The following NRG1 variants were observed in gnomAD, a reference collection of about 807,000 sequenced individuals.
The protein encoded by NRG1 is pro-neuregulin-1, membrane-bound isoform.
NRG1 carries 18 observed loss-of-function variants against 63.8 expected under a neutral mutation model. That is an observed-to-expected ratio of 0.28 (90% CI 0.19 to 0.42). The LOEUF (loss-of-function observed/expected upper bound fraction) is 0.42, where lower values mean the gene tolerates loss of function less well. Among genes scored for constraint, NRG1 ranks in the 10% least tolerant of loss-of-function variants. The pLI is 1.00. For missense variants in NRG1, 762 were observed against 814.7 expected, an observed-to-expected ratio of 0.94 and a Z score of 0.79; for synonymous variants, 302 against 301.3, an observed-to-expected ratio of 1.00 and a Z score of -0.02.
intron 1 of NRG1, among the ~76,000 whole-genome samples, chr8:32,462,792 C>T (rs1660352670): frequency 6.6e-6 from 1 of 151,702 alleles, no homozygotes; most frequent in African/African-American, 2.4e-5. Flanking sequence ...TGGGTAGAGA[C>T]AGGGTTTCAC....
At chr8:31,970,701 C>T (rs1807133435) in intron 1 of NRG1, among the ~76,000 whole-genome samples, 1 of 152,064 alleles carries the variant, frequency 6.6e-6, no homozygotes, top group Non-Finnish European at 1.5e-5. Flanking sequence ...CCTGCTCTGC[C>T]CTGAAATAGG....
At chr8:32,672,144 C>T (rs553656132) in intron 5 of NRG1, among the ~76,000 whole-genome samples, 2 of 151,886 alleles carry the variant, frequency 1.3e-5, no homozygotes, top group Admixed American at 6.6e-5. Flanking sequence ...TCCCGGGTTC[C>T]AGCGATTCTC....
intron 7 of NRG1, chr8:32,743,056 C>G: frequency 9.0e-7 from 1 of 1,113,522 alleles, no homozygotes; most frequent in Non-Finnish European, 1.1e-6. Context: ...CAAAGTCTCA[C>G]TTTTATTGAT....
chr8:32,624,345 G>T (rs1563793001), intron 5 of NRG1, among the ~76,000 whole-genome samples: 2 of 152,152 alleles, frequency 1.3e-5, no homozygotes, highest in Admixed American at 1.3e-4. Context: ...GGGCAGATGG[G>T]CTCAGCCCCA....
chr8:32,443,691 A>C (rs934873740), intron 1 of NRG1, among the ~76,000 whole-genome samples: 3 of 152,176 alleles, frequency 2.0e-5, no homozygotes, highest in Non-Finnish European at 2.9e-5. Context: ...TTTCTCCTAC[A>C]ATAGGAACTA....
At chr8:32,121,022 A>G (rs1457631625) in intron 1 of NRG1, among the ~76,000 whole-genome samples, 1 of 152,052 alleles carries the variant, frequency 6.6e-6, no homozygotes, top group East Asian at 1.9e-4. Flanking sequence ...ATGCTGGTCA[A>G]TTAGTTTCTC....
At chr8:32,524,045 G>A (rs1306420909) in intron 1 of NRG1, among the ~76,000 whole-genome samples, 1 of 149,818 alleles carries the variant, frequency 6.7e-6, no homozygotes, top group East Asian at 2.0e-4. Flanking sequence ...CCAGCACTTT[G>A]AGAGGCTGAG....
At chr8:32,741,650 T>G (rs16879918) in intron 6 of NRG1, among the ~76,000 whole-genome samples, 7,004 of 152,200 alleles carry the variant, frequency 0.046, 558 homozygotes, top group African/African-American at 0.16. Context: ...TGTTAGCGCT[T>G]ATCAAAACCA....
At chr8:31,932,303 G>C (rs142586991) in intron 1 of NRG1, among the ~76,000 whole-genome samples, 1 of 152,056 alleles carries the variant, frequency 6.6e-6, no homozygotes, top group African/African-American at 2.4e-5. Context: ...CAAATTTTCC[G>C]TATAGGAATA....
At chr8:32,274,155 G>A (rs982172429) in intron 1 of NRG1, among the ~76,000 whole-genome samples, 3 of 152,200 alleles carry the variant, frequency 2.0e-5, no homozygotes, top group African/African-American at 4.8e-5. Flanking sequence ...TGGTGCTTCA[G>A]TGACTAAAAA....
intron 11 of NRG1, chr8:32,760,906 G>T: frequency 1.0e-6 from 1 of 992,474 alleles, no homozygotes; most frequent in Non-Finnish European, 1.2e-6. Flanking sequence ...AATGTCATGG[G>T]GGGCAACTGC....
At chr8:31,850,250 G>A (rs1285939231) in intron 1 of NRG1, among the ~76,000 whole-genome samples, 1 of 152,124 alleles carries the variant, frequency 6.6e-6, no homozygotes, top group African/African-American at 2.4e-5. Flanking sequence ...CTGCAATGAG[G>A]TGTTGTCAGA....
At chr8:32,478,437 G>A (rs1158035464) in intron 1 of NRG1, among the ~76,000 whole-genome samples, 1 of 152,182 alleles carries the variant, frequency 6.6e-6, no homozygotes, top group East Asian at 1.9e-4. Context: ...TGACTGTGTA[G>A]GACACGCCTA....
intron 1 of NRG1, among the ~76,000 whole-genome samples, chr8:31,800,997 C>A (rs562013663): frequency 7.7e-6 from 1 of 130,102 alleles, no homozygotes; most frequent in African/African-American, 2.8e-5. Context: ...CCTGACACCA[C>A]GCCCGCCAAT....
At chr8:32,307,586 GGTTT>G (rs869154855) in intron 1 of NRG1, among the ~76,000 whole-genome samples, 5,890 of 108,884 alleles carry the variant, frequency 0.054, 304 homozygotes, top group African/African-American at 0.15. Flanking sequence ...GTCACCCAGG[GGTTT>G]GTGTGTGTGT....
chr8:32,594,790 C>T (rs1588563758), intron 1 of NRG1, among the ~76,000 whole-genome samples: 1 of 152,242 alleles, frequency 6.6e-6, no homozygotes, highest in East Asian at 1.9e-4. Flanking sequence ...GCACTAAATC[C>T]AATCAAAGAG....
intron 1 of NRG1, among the ~76,000 whole-genome samples, chr8:32,156,554 A>G (rs1838090869): frequency 6.6e-6 from 1 of 152,244 alleles, no homozygotes; most frequent in Admixed American, 6.5e-5. Context: ...TATTGAATAA[A>G]TAATGAATGA....
At chr8:31,709,781 GT>G (rs1811554910) in intron 1 of NRG1, among the ~76,000 whole-genome samples, 1 of 151,368 alleles carries the variant, frequency 6.6e-6, no homozygotes, top group African/African-American at 2.4e-5. Context: ...ATTTTTCTTT[GT>G]TTTTGTGGCT....
intron 1 of NRG1, among the ~76,000 whole-genome samples, chr8:32,266,421 A>G (rs1417551141): frequency 1.3e-5 from 2 of 152,186 alleles, no homozygotes; most frequent in Admixed American, 1.3e-4. Context: ...ATTTCTTGAA[A>G]GGACCAAGCC....
Sources: allele counts gnomAD v4.1 joint callset (sites outside exome capture counted in the v4.1 genomes callset), GRCh38; gene constraint gnomAD v4.1.1; transcripts MANE v1.5; gene names NCBI Gene and HGNC (gene_info 2026-07-23, HGNC 2026-07-21).